SLC5A5: variants seen among roughly 807,000 people sequenced by gnomAD.
SLC5A5 encodes the protein solute carrier family 5 member 5, also known as sodium/iodide cotransporter.
In SLC5A5, 56 loss-of-function variants were observed where a neutral mutation model predicts 68.6. That is an observed-to-expected ratio of 0.82 (90% CI 0.66 to 1.02). The LOEUF (loss-of-function observed/expected upper bound fraction) is 1.02, where lower values mean the gene tolerates loss of function less well. SLC5A5 is among the 50% of genes least tolerant of loss of function. The pLI is 0.00. For synonymous variants in SLC5A5, 398 were observed against 373.0 expected (o/e 1.07, Z -0.77); for missense variants, 807 against 859.8 (o/e 0.94, Z 0.77).
rs2030300371 is a variant in SLC5A5 at position 17,893,860 on chromosome 19, C to A, written c.1915C>A (p.Gln639Lys). 1 of 1,570,168 alleles carries A rather than the reference C, an allele frequency of 6.4e-7. No homozygotes were observed. The highest frequency in any genetic ancestry group is 1.1e-5 in the South Asian group (1 of 87,004). The change falls in exon 15 of 15, where the codon CAG (glutamine) becomes AAG (lysine). Residue 639 changes from glutamine (Q) to lysine (K), a missense_variant. Gln to Lys is a moderately conservative substitution (Grantham distance 53). Transcript: ENST00000222248. ...TGGACATGATGGTGGTCGAGACCAG[C>A]AGGAGACAAACCTCTGAGGACAGGG... ...CVGHDGGRDQ[Q>K]ETNL
Position 17,880,965 on chromosome 19 carries a change from T to G in SLC5A5, c.1058+12T>G, listed in dbSNP as rs1209869647. The stretch of plus-strand genomic sequence containing the variant: ...AGTGGCACCCTCAGGTGAGCACCCC[T>G]GCTTGTTCATGGAGCATTATTTCAG... On this transcript the variant is annotated intron_variant, in intron 8 of 14. Transcript: ENST00000222248. The G allele has an allele frequency of 6.3e-7, 1 of 1,599,222 alleles. No individual in the cohort carries two copies. The highest frequency in any genetic ancestry group is 2.2e-5 in the East Asian group (1 of 44,794).
intron 14 of SLC5A5, among the ~76,000 whole-genome samples, chr19:17,892,284 C>A (rs186932020): frequency 7.5e-6 from 1 of 133,808 alleles, no homozygotes; most frequent in Non-Finnish European, 1.6e-5. Flanking sequence ...GGTGACAGAG[C>A]AAGACTTCGT....
intron 1 of SLC5A5, among the ~76,000 whole-genome samples, chr19:17,873,691 G>T (rs551276660): frequency 6.6e-6 from 1 of 152,312 alleles, no homozygotes; most frequent in African/African-American, 2.4e-5. Flanking sequence ...GGGAGGCGGA[G>T]GTTGCAGTGA....
chr19:17,877,648 C>G, intron 5 of SLC5A5, 75 bp from the exon 6 acceptor site: 1 of 1,576,502 alleles, frequency 6.3e-7, no homozygotes, highest in Non-Finnish European at 8.7e-7. Context: ...GGTCCAGAAG[C>G]GCTGTCTGGG....
chr19:17,889,055 CTA>C (rs1025317632), intron 13 of SLC5A5, among the ~76,000 whole-genome samples: 5 of 148,780 alleles, frequency 3.4e-5, no homozygotes, highest in South Asian at 2.1e-4. Context: ...AAAATTATGA[CTA>C]TATATATACA....
rs1169286187 is a variant in SLC5A5, at chr19:17,877,856, G to A, written c.832G>A (p.Ala278Thr). The change falls in exon 6 of 15, where the codon GCC becomes ACC. Residue 278 changes from alanine (A) to threonine (T), a missense_variant. Physicochemically the swap from Ala to Thr is moderately conservative, Grantham distance 58. Coordinates refer to ENST00000222248, the MANE Select transcript of SLC5A5 (RefSeq NM_000453.3). ...CGTGGCTTGCCGCACAGAGAAGCAG[G>A]CCAAGCTGTGAGTGTTTCGGGGAGC... Reference protein sequence around the residue: ...RYVACRTEKQAKLALLINQVG... With the variant: ...RYVACRTEKQTKLALLINQVG... 1.9e-6 allele frequency: 3 copies of A among 1,614,096 alleles called. No individual in the cohort carries two copies. Among genetic ancestry groups the A allele is most frequent in the East Asian group, 2.2e-5 (1 of 44,898 alleles).
At chr19:17,893,673 AGGGTCTCTGATG>A (rs1568427829) in intron 14 of SLC5A5, 28 bp from the exon 15 acceptor site, 2 of 1,603,856 alleles carry the variant, frequency 1.2e-6, no homozygotes, top group Non-Finnish European at 1.7e-6. Context: ...GGGTGGGGAC[AGGGTCTCTGATG>A]GGGTCTCTTT....
intron 7 of SLC5A5, among the ~76,000 whole-genome samples, chr19:17,880,179 G>A (rs1031039237): frequency 2.0e-5 from 3 of 151,168 alleles, no homozygotes; most frequent in African/African-American, 7.3e-5. Flanking sequence ...GGGATTACAG[G>A]CATGAGCCAC....
chr19:17,878,986 AAAC>A (rs2094314349), intron 7 of SLC5A5, among the ~76,000 whole-genome samples: 7 of 149,280 alleles, frequency 4.7e-5, no homozygotes, highest in South Asian at 4.2e-4. Flanking sequence ...AAAAAAAAAA[AAAC>A]AAAAAAAAAA....
intron 4 of SLC5A5, among the ~76,000 whole-genome samples, chr19:17,875,353 G>C (rs1568419413): frequency 6.6e-6 from 1 of 151,918 alleles, no homozygotes. Flanking sequence ...CTGGGCGACA[G>C]AGCAAGACTC....
chr19:17,878,190 G>T, intron 7 of SLC5A5, 97 bp downstream of exon 7: 7 of 1,415,590 alleles, frequency 4.9e-6, no homozygotes, highest in Non-Finnish European at 5.9e-6. Flanking sequence ...AATGGCCTGT[G>T]CAAAGGCCAA....
chr19:17,881,912 C>A (rs144414588), intron 8 of SLC5A5, 48 bp from the exon 9 acceptor site: 1 of 1,424,706 alleles, frequency 7.0e-7, no homozygotes, highest in East Asian at 2.3e-5. Context: ...ATGGTGTGGA[C>A]GGTCTCTCCA....
In SLC5A5 at chr19:17,884,050, A is replaced by T; in HGVS notation, c.1526+4A>T. On this transcript the variant is annotated splice_donor_region_variant and intron_variant, in intron 12 of 14. Coordinates refer to ENST00000222248, the MANE Select transcript of SLC5A5 (RefSeq NM_000453.3). ...ACGACTCCAGCAGGGCCCCCAGGTGAGCAGACTTGAGGGTAGGGGGGTACC... is the reference window on the plus strand; with the variant it reads ...ACGACTCCAGCAGGGCCCCCAGGTGTGCAGACTTGAGGGTAGGGGGGTACC... 6.4e-7 allele frequency: 1 copy of T among 1,557,602 alleles called. No homozygotes were observed. The highest frequency in any genetic ancestry group is 8.7e-7 in the Non-Finnish European group (1 of 1,154,272).
chr19:17,874,660 A>G lies in SLC5A5; in HGVS notation c.476-4A>G, dbSNP rs1242253770. 7.4e-6 allele frequency: 12 copies of G among 1,614,078 alleles called. No homozygotes were observed. The highest frequency in any genetic ancestry group is 1.7e-5 in the Admixed American group (1 of 60,018). ...GCCTAACAGGGGGACCTCTTTTTGC[A>G]TAGTGACCGGGCTGGACATCTGGGC... On this transcript the variant is annotated splice_region_variant and splice_polypyrimidine_tract_variant and intron_variant, in intron 3 of 14. Coordinates refer to ENST00000222248, the MANE Select transcript of SLC5A5 (RefSeq NM_000453.3).
chr19:17,874,362 C>G, intron 2 of SLC5A5, 132 bp from the exon 3 acceptor site: 1 of 1,001,814 alleles, frequency 1.0e-6, no homozygotes, highest in Non-Finnish European at 1.6e-6. Context: ...GCCGGCCTGA[C>G]CCCGCCTGCA....
chr19:17,874,061 G>A, intron 1 of SLC5A5, 77 bp from the exon 2 acceptor site: 1 of 1,056,870 alleles, frequency 9.5e-7, no homozygotes, highest in African/African-American at 1.6e-5. Flanking sequence ...GGCCCACCTA[G>A]AGAGCAGACC....
In SLC5A5 at chr19:17,881,955, CA is replaced by C; in HGVS notation, c.1059-4del. The C allele has an allele frequency of 3.1e-6, 5 of 1,611,070 alleles. No individual in the cohort carries two copies. The highest frequency in any genetic ancestry group is 4.2e-6 in the Non-Finnish European group (5 of 1,177,336). On this transcript the variant is annotated splice_region_variant and splice_polypyrimidine_tract_variant and intron_variant, in intron 8 of 14. Transcript: ENST00000222248. ...TGAGGACCCCCCGCTGCCTTCCTCA[CA>C]CAGCACAGCATCCACCAGCATCAAT... is the stretch of plus-strand genomic sequence containing the variant.
rs541908301 is a variant in SLC5A5, at chr19:17,873,316, C to A, written c.357+640C>A. 2.4e-3 allele frequency among the ~76,000 whole-genome samples: 358 copies of A among 151,788 alleles called. 3 individuals are homozygous for A. Among genetic ancestry groups the A allele is most frequent in the Non-Finnish European group, 2.4e-3 (162 of 67,938 alleles). ...TCTCTACTAAAAATACAAAAATTAG[C>A]CGGATGTGGTGGTGGGCACCTGTAA... On this transcript the variant is annotated intron_variant, in intron 1 of 14. Coordinates refer to ENST00000222248, the MANE Select transcript of SLC5A5 (RefSeq NM_000453.3).
chr19:17,875,341 G>C (rs982241091), intron 4 of SLC5A5, among the ~76,000 whole-genome samples: 1 of 151,974 alleles, frequency 6.6e-6, no homozygotes, highest in African/African-American at 2.4e-5. Context: ...TTGCACTCCA[G>C]CCTGGGCGAC....
Sources: gnomAD v4.1 joint callset for allele counts (sites outside exome capture counted in the v4.1 genomes callset) on GRCh38, gnomAD v4.1.1 for gene constraint, MANE v1.5 for transcripts, NCBI Gene and HGNC (gene_info 2026-07-23, HGNC 2026-07-21) for gene names.